Variants in ARHGAP24 observed in about 807,000 individuals in gnomAD.
ARHGAP24 encodes the protein rho GTPase-activating protein 24.
A neutral mutation model predicts 76.4 loss-of-function variants in ARHGAP24; 50 were observed. The observed-to-expected ratio is 0.65, with a 90% confidence interval of 0.52 to 0.83. The LOEUF (loss-of-function observed/expected upper bound fraction) is 0.83. Ranked by LOEUF, ARHGAP24 falls within the 40% of genes least tolerant of loss-of-function variation. The pLI, the probability that ARHGAP24 is intolerant of heterozygous loss-of-function variation, is 0.00. For missense variants in ARHGAP24, 930 were observed against 914.2 expected, an observed-to-expected ratio of 1.02 and a Z score of -0.22; for synonymous variants, 345 against 323.3, an observed-to-expected ratio of 1.07 and a Z score of -0.72.
intron 2 of ARHGAP24, among the ~76,000 whole-genome samples, chr4:85,720,162 T>G (rs984033391): frequency 6.6e-6 from 1 of 151,992 alleles, no homozygotes; most frequent in Admixed American, 6.6e-5. Context: ...ATACCTAATG[T>G]AAATGACAAG....
intron 2 of ARHGAP24, among the ~76,000 whole-genome samples, chr4:85,647,238 G>T (rs1236235567): frequency 2.6e-5 from 4 of 152,028 alleles, no homozygotes; most frequent in African/African-American, 9.7e-5. Context: ...CATAGTTGTA[G>T]TCATAGTTGT....
chr4:85,958,154 C>T (rs1037088513), intron 5 of ARHGAP24, among the ~76,000 whole-genome samples: 7 of 152,160 alleles, frequency 4.6e-5, no homozygotes, highest in African/African-American at 1.4e-4. Flanking sequence ...CTGCCACTTA[C>T]TACCCATGTT....
chr4:85,783,561 A>G (rs754609295), intron 3 of ARHGAP24, among the ~76,000 whole-genome samples: 2 of 152,054 alleles, frequency 1.3e-5, no homozygotes, highest in African/African-American at 2.4e-5. Context: ...ATCTGTATCT[A>G]GCCAGAAGTA....
chr4:85,973,028 G>A (rs1458054564), intron 6 of ARHGAP24, among the ~76,000 whole-genome samples: 2 of 151,950 alleles, frequency 1.3e-5, no homozygotes, highest in African/African-American at 4.8e-5. Flanking sequence ...GAACATCCAC[G>A]TACAAAGTTT....
At chr4:85,988,645 G>A (rs1165753318) in intron 8 of ARHGAP24, among the ~76,000 whole-genome samples, 1 of 151,064 alleles carries the variant, frequency 6.6e-6, no homozygotes, top group African/African-American at 2.4e-5. Context: ...AAAAATAAAA[G>A]AGGAGCAATT....
chr4:85,974,567 TACTC>T (rs1056150989), intron 6 of ARHGAP24, among the ~76,000 whole-genome samples: 2 of 152,218 alleles, frequency 1.3e-5, no homozygotes, highest in African/African-American at 4.8e-5. Context: ...CTACATCACT[TACTC>T]TTCTTCAAAT....
chr4:85,781,018 G>A (rs915798888), intron 3 of ARHGAP24, among the ~76,000 whole-genome samples: 2 of 152,174 alleles, frequency 1.3e-5, no homozygotes, highest in Admixed American at 6.5e-5. Context: ...TCACAATCAC[G>A]CTGTTCACAT....
intron 2 of ARHGAP24, among the ~76,000 whole-genome samples, chr4:85,706,519 A>C (rs1053540430): frequency 6.6e-6 from 1 of 151,050 alleles, no homozygotes; most frequent in African/African-American, 2.4e-5. Flanking sequence ...CACAAAACAC[A>C]TTTCCCTGAA....
chr4:85,682,129 A>C (rs1723228693), intron 2 of ARHGAP24, among the ~76,000 whole-genome samples: 1 of 152,176 alleles, frequency 6.6e-6, no homozygotes, highest in South Asian at 2.1e-4. Flanking sequence ...CCCTTTCTGG[A>C]AGCATTGACC....
intron 1 of ARHGAP24, among the ~76,000 whole-genome samples, chr4:85,535,933 C>T (rs576131787): frequency 1.3e-5 from 2 of 152,230 alleles, no homozygotes; most frequent in Admixed American, 1.3e-4. Flanking sequence ...ATGAGGGCTC[C>T]ATTTTAGTAT....
At chr4:85,928,029 G>A (rs1736110051) in intron 4 of ARHGAP24, among the ~76,000 whole-genome samples, 1 of 152,104 alleles carries the variant, frequency 6.6e-6, no homozygotes, top group South Asian at 2.1e-4. Context: ...ATATGGGGCA[G>A]GGAACCAAGG....
chr4:85,728,514 CT>C (rs560806580), intron 3 of ARHGAP24, among the ~76,000 whole-genome samples: 60 of 152,274 alleles, frequency 3.9e-4, no homozygotes, highest in Admixed American at 2.4e-3. Flanking sequence ...CAGTTTTAGA[CT>C]TTTACCTCTC....
chr4:85,853,964 A>G (rs1430213446), intron 3 of ARHGAP24, among the ~76,000 whole-genome samples: 2 of 127,132 alleles, frequency 1.6e-5, no homozygotes, highest in East Asian at 1.9e-4. Context: ...ACAAAAAACA[A>G]AAAGACAAAA....
chr4:85,689,136 TC>T (rs1439118679), intron 2 of ARHGAP24, among the ~76,000 whole-genome samples: 25 of 152,132 alleles, frequency 1.6e-4, no homozygotes, highest in Non-Finnish European at 2.1e-4. Context: ...ATCACTTTGG[TC>T]AGTATGGCCA....
intron 3 of ARHGAP24, among the ~76,000 whole-genome samples, chr4:85,886,037 G>A (rs891910290): frequency 1.8e-4 from 27 of 152,050 alleles, no homozygotes; most frequent in African/African-American, 6.5e-4. Context: ...ATGCCATAAA[G>A]AATTTTGAAA....
chr4:85,976,840 T>G (rs897825167), intron 7 of ARHGAP24, among the ~76,000 whole-genome samples: 4 of 148,936 alleles, frequency 2.7e-5, no homozygotes, highest in African/African-American at 1.0e-4. Flanking sequence ...TGGAGTGCAG[T>G]GGTGCAATCT....
At chr4:85,568,113 A>T (rs115528051) in intron 1 of ARHGAP24, among the ~76,000 whole-genome samples, 164 of 152,336 alleles carry the variant, frequency 1.1e-3, no homozygotes, top group African/African-American at 3.8e-3. Context: ...TAAGGCATTA[A>T]TGTACACAAA....
chr4:85,918,995 C>T (rs1735571516), intron 3 of ARHGAP24, among the ~76,000 whole-genome samples: 1 of 151,968 alleles, frequency 6.6e-6, no homozygotes, highest in African/African-American at 2.4e-5. Flanking sequence ...ATATTTATGT[C>T]CATGCAGAAA....
intron 3 of ARHGAP24, among the ~76,000 whole-genome samples, chr4:85,794,160 G>A (rs1728246594): frequency 6.6e-6 from 1 of 152,124 alleles, no homozygotes; most frequent in Non-Finnish European, 1.5e-5. Context: ...TAACAGAAGG[G>A]TCTATTTTCT....
Sources: gnomAD v4.1 joint callset for allele counts (sites outside exome capture counted in the v4.1 genomes callset) on GRCh38, gnomAD v4.1.1 for gene constraint, MANE v1.5 for transcripts, NCBI Gene and HGNC (gene_info 2026-07-23, HGNC 2026-07-21) for gene names.